The following TRIM6 variants were observed in gnomAD, a reference collection of about 807,000 sequenced individuals.
TRIM6 encodes tripartite motif-containing protein 6.
TRIM6 carries 43 observed loss-of-function variants against 51.2 expected under a neutral mutation model. That is an observed-to-expected ratio of 0.84 (90% CI 0.66 to 1.08). The LOEUF (loss-of-function observed/expected upper bound fraction) is 1.08. TRIM6 is among the 50% of genes least tolerant of loss of function. The pLI is 0.00. For synonymous variants in TRIM6, 215 were observed against 232.4 expected (o/e 0.93, Z 0.68); for missense variants, 669 against 619.0 (o/e 1.08, Z -0.86).
chr11:5,607,151 C>T (rs1164944650), intron 4 of TRIM6, among the ~76,000 whole-genome samples: 1 of 152,090 alleles, frequency 6.6e-6, no homozygotes, highest in African/African-American at 2.4e-5. Context: ...GTGCAGTGAG[C>T]CGAGATCGCA....
At chr11:5,605,311 C>T (rs1370644685) in intron 3 of TRIM6, 26 bp from the exon 4 acceptor site, 54 of 1,613,578 alleles carry the variant, frequency 3.3e-5, no homozygotes, top group Non-Finnish European at 4.5e-5. Context: ...CGACTAGCAG[C>T]CTCTTTTTCT....
intron 7 of TRIM6, 98 bp from the exon 8 acceptor site, chr11:5,610,679 G>C: frequency 1.9e-6 from 3 of 1,570,052 alleles, no homozygotes; most frequent in African/African-American, 1.3e-5. Context: ...CCGCCATATA[G>C]TTCCAGTTCC....
chr11:5,600,365 G>A (rs1847761353), intron 1 of TRIM6, among the ~76,000 whole-genome samples: 1 of 152,184 alleles, frequency 6.6e-6, no homozygotes, highest in African/African-American at 2.4e-5. Context: ...TGGGCTTTCT[G>A]TAGATATTTG....
chr11:5,603,794 T>A, intron 2 of TRIM6, 59 bp downstream of exon 2: 2 of 1,583,720 alleles, frequency 1.3e-6, no homozygotes, highest in Non-Finnish European at 8.6e-7. Flanking sequence ...GGTTTTAACG[T>A]TTTATCATGC....
chr11:5,609,077 G>A (rs953058082), intron 5 of TRIM6, among the ~76,000 whole-genome samples: 1 of 151,882 alleles, frequency 6.6e-6, no homozygotes, highest in African/African-American at 2.4e-5. Context: ...CTCAATTCCA[G>A]TAAAAACGTA....
In TRIM6 at chr11:5,610,492, A is replaced by T. The variant is rs371241275; in HGVS notation, c.959-43A>T. On this transcript the variant is annotated intron_variant, in intron 6 of 7. Coordinates refer to ENST00000380097, the MANE Select transcript of TRIM6 (RefSeq NM_001003818.3). Reference sequence around the variant, plus strand: ...AGGAGAGAGATACCAGACATGAGACAGTTGGTCCTATTCAACATTATTGAC... The same window carrying T: ...AGGAGAGAGATACCAGACATGAGACTGTTGGTCCTATTCAACATTATTGAC... 182 of 1,613,960 alleles carry T rather than the reference A, an allele frequency of 1.1e-4. 1 individual carries two copies. Among genetic ancestry groups the T allele is most frequent in the South Asian group, 4.4e-4 (40 of 91,072 alleles).
rs1050068625 is a variant in TRIM6 at position 5,596,751 on chromosome 11, A to G, written c.-147A>G. ...TGCCTTTCTCGGAACGGAACGGAGC[A>G]GAGTCGTGCGTGGTTGAGTTTAGAT... On this transcript the variant is annotated 5_prime_UTR_variant, in exon 1 of 8. Transcript: ENST00000380097. 2 of 1,246,640 alleles carry G rather than the reference A, an allele frequency of 1.6e-6. No homozygotes were observed. The highest frequency in any genetic ancestry group is 1.5e-5 in the African/African-American group (1 of 67,354). 77.2% of individuals were successfully genotyped at this position (1,246,640 alleles called of 1,614,324 possible). A position where few individuals can be genotyped will look rare whatever the true frequency, so the allele number is the denominator to read the frequency against.
intron 2 of TRIM6, among the ~76,000 whole-genome samples, chr11:5,603,967 T>C (rs1212546121): frequency 1.3e-5 from 2 of 151,808 alleles, no homozygotes; most frequent in Admixed American, 1.3e-4. Context: ...TGTGGAGATA[T>C]GTTGGCAGGG....
chr11:5,598,927 T>G lies in TRIM6; in HGVS notation c.17+2013T>G, dbSNP rs75177855. On this transcript the variant is annotated intron_variant, in intron 1 of 7. Transcript: ENST00000380097. Reference sequence around the variant, plus strand: ...CATAAAGGGCATTTCCCTTTATGTATTCACCCTTCAAATTTCCTTATGCCC... The same window carrying G: ...CATAAAGGGCATTTCCCTTTATGTAGTCACCCTTCAAATTTCCTTATGCCC... Among the ~76,000 whole-genome samples the G allele has an allele frequency of 5.4e-3, 816 of 152,298 alleles. 8 individuals are homozygous for G. Among genetic ancestry groups the G allele is most frequent in the African/African-American group, 0.019 (771 of 41,554 alleles).
intron 1 of TRIM6, among the ~76,000 whole-genome samples, chr11:5,599,474 A>G (rs1847696837): frequency 6.6e-6 from 1 of 151,792 alleles, no homozygotes; most frequent in African/African-American, 2.4e-5. Context: ...CACGATCTCG[A>G]CTCACTGCAA....
chr11:5,603,298 A>G lies in TRIM6; in HGVS notation c.70A>G (p.Arg24Gly), dbSNP rs753893158. The change falls in exon 2 of 8, where the codon AGG becomes GGG. Residue 24 changes from arginine to glycine, a missense_variant. Arg to Gly is a moderately radical substitution (Grantham distance 125). Transcript: ENST00000380097. ...LEIRVGQAGA[R>G]RVATMTSPVL... is the part of the protein sequence containing the mutation. ...AATCAGGGTTGGGCAGGCAGGAGCC[A>G]GGAGAGTAGCTACAATGACTTCACC... The G allele has an allele frequency of 3.7e-6, 6 of 1,613,982 alleles. No individual in the cohort carries two copies. In the East Asian group the frequency reaches 1.3e-4, roughly 36 times the overall value.
chr11:5,605,276 T>C, intron 3 of TRIM6, 61 bp from the exon 4 acceptor site: 9 of 1,609,498 alleles, frequency 5.6e-6, no homozygotes, highest in African/African-American at 1.3e-5. Flanking sequence ...TCCCCGCTTT[T>C]AATAGAGGAG....
chr11:5,603,494 C>T lies in TRIM6; in HGVS notation c.266C>T (p.Thr89Ile). 1 of 1,614,074 alleles carries T rather than the reference C, an allele frequency of 6.2e-7. No homozygotes were observed. The highest frequency in any genetic ancestry group is 1.1e-5 in the South Asian group (1 of 91,072). The stretch of plus-strand genomic sequence containing the variant: ...GAAAGAAGCTGCCCTGTGTGCCAGA[C>T]CAGCTACCAGCCAGGGAACCTGCGG... ...EGERSCPVCQTSYQPGNLRPN... is the reference protein window; with the variant it reads ...EGERSCPVCQISYQPGNLRPN... Residue 89 changes from threonine (T) to isoleucine (I), a missense_variant, in exon 2 of 8, where the codon ACC becomes ATC. By Grantham distance (89) the Thr-to-Ile change is moderately conservative (BLOSUM62 -1). Transcript: ENST00000380097.
At position 5,601,020 on chromosome 11, in the gene TRIM6, A is replaced by G. The variant is rs75610433; in HGVS notation, c.18-2226A>G. 9.7e-3 allele frequency among the ~76,000 whole-genome samples: 1,474 copies of G among 152,332 alleles called. 26 individuals are homozygous for G. The highest frequency in any genetic ancestry group is 0.034 in the African/African-American group (1,398 of 41,566). ...TCAACAACTCTTCCAAGAAAAATAG[A>G]CAATAAAGGTCATATTTCTCAATGA... On this transcript the variant is annotated intron_variant, in intron 1 of 7. Transcript: ENST00000380097.
rs768036666 is a variant in TRIM6 at position 5,610,730 on chromosome 11, ACCCATGTC to A, written c.986-43_986-36del. ...TGTTTCCTCTTCTCAGCATAACGAG[ACCCATGTC>A]CCCGTTCTCATCTGCTGATGTTGTA... is the stretch of plus-strand genomic sequence containing the variant. On this transcript the variant is annotated intron_variant, in intron 7 of 7. Coordinates refer to ENST00000380097, the MANE Select transcript of TRIM6 (RefSeq NM_001003818.3). The A allele has an allele frequency of 4.4e-6, 7 of 1,595,414 alleles. No individual in the cohort carries two copies. In the Admixed American group the frequency reaches 1.2e-4, roughly 27 times the overall value.
chr11:5,605,603 A>T (rs368555091), intron 4 of TRIM6, 36 bp downstream of exon 4: 1 of 1,573,622 alleles, frequency 6.4e-7, no homozygotes, highest in Non-Finnish European at 8.6e-7. Context: ...CTGAGAGTCA[A>T]GGAAAAGAGA....
intron 1 of TRIM6, among the ~76,000 whole-genome samples, chr11:5,601,081 T>G (rs991161124): frequency 6.6e-6 from 1 of 152,186 alleles, no homozygotes; most frequent in Non-Finnish European, 1.5e-5. Context: ...CGGCCACCTC[T>G]CCTTACATAT....
rs1158596114 is a variant in TRIM6, at chr11:5,596,719, G to C, written c.-179G>C. ...AACGGCCAAAGGCTGGCGGAGGAGG[G>C]ATCCCCTGCCTTTCTCGGAACGGAA... On this transcript the variant is annotated 5_prime_UTR_variant, in exon 1 of 8. Transcript: ENST00000380097. 3.3e-6 allele frequency: 3 copies of C among 921,890 alleles called. No individual in the cohort carries two copies. The highest frequency in any genetic ancestry group is 1.7e-5 in the African/African-American group (1 of 59,402). The allele number at this position is 921,890 out of a possible 1,614,324, so 57.1% of individuals were successfully genotyped here. A position where few individuals can be genotyped will look rare whatever the true frequency, so the allele number is the denominator to read the frequency against.
chr11:5,609,543 A>G (rs936785572), intron 5 of TRIM6, among the ~76,000 whole-genome samples: 9 of 152,134 alleles, frequency 5.9e-5, no homozygotes, highest in Non-Finnish European at 2.9e-5. Flanking sequence ...ATTTTACTGA[A>G]CTGCATAACA....
Sources: allele counts gnomAD v4.1 joint callset (sites outside exome capture counted in the v4.1 genomes callset), GRCh38; gene constraint gnomAD v4.1.1; transcripts MANE v1.5; gene names NCBI Gene and HGNC (gene_info 2026-07-23, HGNC 2026-07-21).